SCTR: variants seen among roughly 807,000 people sequenced by gnomAD.
The protein encoded by SCTR is secretin receptor.
In SCTR, 56 loss-of-function variants were observed where a neutral mutation model predicts 60.8. That is an observed-to-expected ratio of 0.92 (90% CI 0.74 to 1.15). The LOEUF is 1.15. SCTR is among the 50% of genes most tolerant of loss of function. The probability of loss-of-function intolerance (pLI) is 0.00; values close to 1 mark genes in which losing one functional copy is unlikely to be tolerated. For synonymous variants in SCTR, 202 were observed against 217.0 expected, an observed-to-expected ratio of 0.93 and a Z score of 0.61; for missense variants, 562 against 550.4, an observed-to-expected ratio of 1.02 and a Z score of -0.21.
intron 1 of SCTR, among the ~76,000 whole-genome samples, chr2:119,514,575 C>A (rs1261156373): frequency 1.3e-5 from 2 of 152,080 alleles, no homozygotes; most frequent in Non-Finnish European, 2.9e-5. Context: ...TAATAAAAAT[C>A]TTTTAAATTC....
intron 3 of SCTR, among the ~76,000 whole-genome samples, chr2:119,476,026 G>A (rs72963143): frequency 0.041 from 6,176 of 152,150 alleles, 433 homozygotes; most frequent in African/African-American, 0.14. Flanking sequence ...ATCGGCCTGC[G>A]GTTTCTCCAG....
intron 1 of SCTR, among the ~76,000 whole-genome samples, chr2:119,523,395 T>C (rs1363492975): frequency 1.3e-4 from 10 of 74,432 alleles, no homozygotes; most frequent in African/African-American, 6.4e-4. Flanking sequence ...CCTGCCGCTA[T>C]TATTATTATT....
chr2:119,453,476 ACC>A, intron 7 of SCTR, 129 bp from the exon 8 acceptor site: 1 of 714,178 alleles, frequency 1.4e-6, no homozygotes, highest in Admixed American at 2.1e-5. Context: ...TTCCACAGAA[ACC>A]CCTCTGCCAT....
intron 1 of SCTR, among the ~76,000 whole-genome samples, chr2:119,505,087 G>A (rs1421072316): frequency 6.6e-6 from 1 of 152,172 alleles, no homozygotes; most frequent in Admixed American, 6.5e-5. Flanking sequence ...TGGTGGAACT[G>A]TAAACTAGTT....
chr2:119,519,737 C>T (rs1308941490), intron 1 of SCTR, among the ~76,000 whole-genome samples: 3 of 133,750 alleles, frequency 2.2e-5, no homozygotes, highest in East Asian at 2.5e-4. Context: ...ACCTGGGAGA[C>T]GGAGGTTGCA....
chr2:119,466,543 G>A (rs1385596130), intron 4 of SCTR, among the ~76,000 whole-genome samples: 1 of 152,184 alleles, frequency 6.6e-6, no homozygotes, highest in Non-Finnish European at 1.5e-5. Context: ...CTCGAGCTCA[G>A]GAGTTCAAGA....
intron 7 of SCTR, 111 bp downstream of exon 7, chr2:119,461,736 T>C: frequency 1.5e-6 from 1 of 664,630 alleles, no homozygotes; most frequent in Non-Finnish European, 2.3e-6. Context: ...AAAAAAAGAT[T>C]ACACAAGTTA....
At position 119,524,286 on chromosome 2, in the gene SCTR, T is replaced by G. The variant is rs543345428; in HGVS notation, c.-60A>C. The G allele has an allele frequency of 3.3e-5, 39 of 1,172,740 alleles. No homozygotes were observed. The highest frequency in any genetic ancestry group is 2.4e-4 in the Admixed American group (6 of 25,042). The allele number at this position is 1,172,740 out of a possible 1,614,324, so 72.6% of individuals were successfully genotyped here. A position where few individuals can be genotyped will look rare whatever the true frequency, so the allele number is the denominator to read the frequency against. ...CCGCCTGCCCGTGCCCTCTGCCCGC[T>G]CGGGAGCTCAGCGCCCCGCGCAGGG... On this transcript the variant is annotated 5_prime_UTR_variant, in exon 1 of 13. Transcript: ENST00000019103.
chr2:119,447,157 A>G (rs558165921), intron 10 of SCTR, among the ~76,000 whole-genome samples: 2 of 152,222 alleles, frequency 1.3e-5, no homozygotes, highest in South Asian at 4.2e-4. Flanking sequence ...CGGTACCTAC[A>G]CCATTAACTT....
chr2:119,481,629 C>T lies in SCTR; in HGVS notation c.194-2711G>A, dbSNP rs7586949. On this transcript the variant is annotated intron_variant, in intron 2 of 12. Transcript: ENST00000019103. ...AGAGTGAGACAGGCAGTCACAGACCCACCAGTGGGGGTCACTACCAGCTGT... is the reference window on the plus strand; with the variant it reads ...AGAGTGAGACAGGCAGTCACAGACCTACCAGTGGGGGTCACTACCAGCTGT... Among the ~76,000 whole-genome samples the T allele has an allele frequency of 9.1e-3, 1,385 of 152,296 alleles. 15 individuals are homozygous for T. Among genetic ancestry groups the T allele is most frequent in the African/African-American group, 0.032 (1,315 of 41,560 alleles).
intron 4 of SCTR, among the ~76,000 whole-genome samples, chr2:119,471,437 T>C (rs1183215438): frequency 2.0e-5 from 3 of 152,168 alleles, no homozygotes; most frequent in Non-Finnish European, 4.4e-5. Context: ...TGACCAGATC[T>C]GAAGACCTCG....
intron 7 of SCTR, 22 bp downstream of exon 7, chr2:119,461,818 GCAGATAT>G: frequency 6.3e-7 from 1 of 1,588,692 alleles, no homozygotes; most frequent in East Asian, 2.3e-5. Context: ...CACATACCAT[GCAGATAT>G]CAGACCCAGG....
chr2:119,502,823 CAA>C (rs776111469), intron 1 of SCTR, among the ~76,000 whole-genome samples: 34 of 83,700 alleles, frequency 4.1e-4, no homozygotes, highest in Middle Eastern at 9.6e-3. Flanking sequence ...GAGACCTCGT[CAA>C]AAAAAAAAAA....
chr2:119,451,878 C>T lies in SCTR; in HGVS notation c.921+132G>A, dbSNP rs1683182501. ...TCCACACCCCACGCTGCTCACCAAC[C>T]TCACAAACACTGTGGTTTATCCCTC... is the stretch of plus-strand genomic sequence containing the variant. On this transcript the variant is annotated intron_variant, in intron 9 of 12. Transcript: ENST00000019103. The T allele has an allele frequency of 4.0e-5, 26 of 646,356 alleles. 1 individual carries two copies. The South Asian group carries it at 4.7e-4, about 12-fold the overall frequency. The allele number at this position is 646,356 out of a possible 1,614,324, so 40.0% of individuals were successfully genotyped here. A position where few individuals can be genotyped will look rare whatever the true frequency, so the allele number is the denominator to read the frequency against.
chr2:119,470,267 A>T (rs1676947677), intron 4 of SCTR, among the ~76,000 whole-genome samples: 1 of 152,196 alleles, frequency 6.6e-6, no homozygotes, highest in South Asian at 2.1e-4. Flanking sequence ...CCAAGTAAGG[A>T]TGTCACAAAA....
intron 1 of SCTR, among the ~76,000 whole-genome samples, chr2:119,510,937 C>T (rs542341375): frequency 7.9e-5 from 12 of 152,108 alleles, no homozygotes; most frequent in Non-Finnish European, 1.8e-4. Context: ...GTGGCTCACG[C>T]CTGTAATCCC....
At chr2:119,504,025 C>T (rs1447775203) in intron 1 of SCTR, among the ~76,000 whole-genome samples, 2 of 152,008 alleles carry the variant, frequency 1.3e-5, no homozygotes, top group Non-Finnish European at 2.9e-5. Context: ...ATGTATTATA[C>T]AGGTACAGTA....
chr2:119,471,874 T>C (rs1009369694), intron 4 of SCTR, among the ~76,000 whole-genome samples: 2 of 152,162 alleles, frequency 1.3e-5, no homozygotes, highest in African/African-American at 4.8e-5. Flanking sequence ...TGAGCCTCAG[T>C]TTCCTCTTCT....
At chr2:119,522,722 C>T (rs539360022) in intron 1 of SCTR, among the ~76,000 whole-genome samples, 1 of 152,206 alleles carries the variant, frequency 6.6e-6, no homozygotes, top group South Asian at 2.1e-4. Context: ...AAGAAGGAGG[C>T]TGGGAGGGTC....
Sources: gnomAD v4.1 joint callset for allele counts (sites outside exome capture counted in the v4.1 genomes callset) on GRCh38, gnomAD v4.1.1 for gene constraint, MANE v1.5 for transcripts, NCBI Gene and HGNC (gene_info 2026-07-23, HGNC 2026-07-21) for gene names.